LINGO2: variants seen among roughly 807,000 people sequenced by gnomAD.
LINGO2 encodes the protein leucine-rich repeat and immunoglobulin-like domain-containing nogo receptor-interacting protein 2.
In LINGO2, 14 loss-of-function variants were observed where a neutral mutation model predicts 30.6. That is an observed-to-expected ratio of 0.46 (90% CI 0.30 to 0.72). The LOEUF (loss-of-function observed/expected upper bound fraction) is 0.72. Ranked by LOEUF, LINGO2 falls within the 30% of genes least tolerant of loss-of-function variation. The probability of loss-of-function intolerance (pLI) is 0.07; values close to 1 mark genes in which losing one functional copy is unlikely to be tolerated. For synonymous variants in LINGO2, 317 were observed against 288.5 expected (o/e 1.10, Z -1.00); for missense variants, 729 against 751.7 (o/e 0.97, Z 0.35).
intron 5 of LINGO2, among the ~76,000 whole-genome samples, chr9:27,980,524 GT>G (rs1175140236): frequency 1.3e-5 from 2 of 151,910 alleles, no homozygotes; most frequent in Non-Finnish European, 2.9e-5. Flanking sequence ...TATCTTCAAT[GT>G]TTTGACCGCT....
the LINGO2 span, among the ~76,000 whole-genome samples, chr9:29,050,627 A>G: frequency 5.9e-5 from 9 of 152,296 alleles, no homozygotes; most frequent in Admixed American, 1.3e-4. Flanking sequence ...TGCACTTGAA[A>G]CATCATAAGG....
At chr9:29,032,409 T>C in the LINGO2 span, among the ~76,000 whole-genome samples, 1 of 152,168 alleles carries the variant, frequency 6.6e-6, no homozygotes, top group Admixed American at 6.5e-5. Context: ...TTTTTGGAAA[T>C]TCAGATAACT....
chr9:28,467,375 T>C (rs1342706173), intron 2 of LINGO2, among the ~76,000 whole-genome samples: 1 of 152,096 alleles, frequency 6.6e-6, no homozygotes, highest in Non-Finnish European at 1.5e-5. Flanking sequence ...AATCATATAC[T>C]AGAGTAGCAA....
chr9:29,157,758 T>C, the LINGO2 span, among the ~76,000 whole-genome samples: 1 of 152,146 alleles, frequency 6.6e-6, no homozygotes. Context: ...TATAATACAA[T>C]AATTCCCTCC....
intron 4 of LINGO2, among the ~76,000 whole-genome samples, chr9:28,220,975 T>C (rs1356577848): frequency 1.3e-5 from 2 of 152,284 alleles, no homozygotes; most frequent in East Asian, 1.9e-4. Context: ...ATGGTGACTA[T>C]AGTTAATGAC....
chr9:28,845,884 T>G, the LINGO2 span, among the ~76,000 whole-genome samples: 1 of 151,700 alleles, frequency 6.6e-6, no homozygotes, highest in African/African-American at 2.4e-5. Context: ...AGGATCTTAT[T>G]AAGTTCAGAG....
intron 4 of LINGO2, among the ~76,000 whole-genome samples, chr9:28,065,882 A>G (rs1825298242): frequency 1.3e-5 from 2 of 152,102 alleles, no homozygotes; most frequent in Admixed American, 6.6e-5. Flanking sequence ...AACCCCAGAA[A>G]TATTAAATTG....
At position 28,129,480 on chromosome 9, in the gene LINGO2, C is replaced by T. The variant is rs1317117814; in HGVS notation, c.-86-117075G>A. On this transcript the variant is annotated intron_variant, in intron 4 of 5. Coordinates refer to ENST00000379992, the Ensembl canonical transcript of LINGO2. This position sits in a 1 kb window ranked among gnomAD's most constrained non-coding sequence, Gnocchi z 4.0. ...TAACTCTTGGCCGGCCTGGATGTCT[C>T]ATCACAGAAACAGCCTATCCAGTCG... 6.6e-6 allele frequency among the ~76,000 whole-genome samples: 1 copy of T among 152,142 alleles called. No homozygotes were observed. The highest frequency in any genetic ancestry group is 1.9e-4 in the East Asian group (1 of 5,184).
chr9:29,039,313 G>GTA, the LINGO2 span, among the ~76,000 whole-genome samples: 1 of 152,086 alleles, frequency 6.6e-6, no homozygotes, highest in African/African-American at 2.4e-5. Flanking sequence ...TATAGTCTTT[G>GTA]TATATATGCA....
chr9:28,762,180 A>T, the LINGO2 span, among the ~76,000 whole-genome samples: 1 of 152,060 alleles, frequency 6.6e-6, no homozygotes, highest in South Asian at 2.1e-4. Context: ...AATATTTTAA[A>T]CATAGTTTTT....
chr9:28,475,587 A>G (rs1587723561), intron 2 of LINGO2, among the ~76,000 whole-genome samples: 2 of 152,328 alleles, frequency 1.3e-5, no homozygotes, highest in East Asian at 3.9e-4. Context: ...TAAGCTCTTT[A>G]TGCTAAGAAA....
chr9:27,995,543 G>T (rs766833295), intron 5 of LINGO2, among the ~76,000 whole-genome samples: 1 of 152,052 alleles, frequency 6.6e-6, no homozygotes, highest in African/African-American at 2.4e-5. Context: ...ATCATCAGGT[G>T]GGATTTATTC....
At chr9:29,013,847 T>C in the LINGO2 span, among the ~76,000 whole-genome samples, 2 of 152,158 alleles carry the variant, frequency 1.3e-5, no homozygotes, top group Non-Finnish European at 2.9e-5. Context: ...AACATTTTAT[T>C]TGTAGTGTGT....
the LINGO2 span, among the ~76,000 whole-genome samples, chr9:29,084,628 C>T: frequency 6.6e-6 from 1 of 151,902 alleles, no homozygotes; most frequent in African/African-American, 2.4e-5. Context: ...CCCTGATCTC[C>T]ACATAAACTC....
the LINGO2 span, among the ~76,000 whole-genome samples, chr9:28,779,878 A>G: frequency 2.0e-5 from 3 of 152,012 alleles, no homozygotes; most frequent in African/African-American, 4.8e-5. Context: ...TTTCACCTCT[A>G]TCTCTCTCCC....
chr9:28,939,784 A>G, the LINGO2 span, among the ~76,000 whole-genome samples: 1 of 152,236 alleles, frequency 6.6e-6, no homozygotes, highest in Non-Finnish European at 1.5e-5. Context: ...TGAGTGAATG[A>G]ATGACTGCAG....
In LINGO2 at chr9:28,644,802, T is replaced by G. The variant is rs151114948; in HGVS notation, c.-365+25398A>C. ...GTATCAAAACATCTCCTGCACTCCA[T>G]AAATATATATATCTACTATGTATCT... On this transcript the variant is annotated intron_variant, in intron 1 of 5. Coordinates refer to ENST00000379992, the Ensembl canonical transcript of LINGO2. Among the ~76,000 whole-genome samples the G allele has an allele frequency of 5.7e-3, 868 of 152,084 alleles. 12 individuals are homozygous for G. Among genetic ancestry groups the G allele is most frequent in the African/African-American group, 0.019 (776 of 41,520 alleles).
At chr9:28,485,518 GC>G (rs1027820719) in intron 1 of LINGO2, among the ~76,000 whole-genome samples, 19 of 152,204 alleles carry the variant, frequency 1.2e-4, no homozygotes, top group African/African-American at 4.3e-4. Flanking sequence ...GCTCATTATA[GC>G]CTGAAGAGAT....
chr9:28,581,823 T>C (rs1182716993), intron 1 of LINGO2, among the ~76,000 whole-genome samples: 2 of 151,994 alleles, frequency 1.3e-5, no homozygotes, highest in Non-Finnish European at 2.9e-5. Context: ...TGAAAATTAA[T>C]TTTCATAATT....
Sources: allele counts gnomAD v4.1 joint callset (sites outside exome capture counted in the v4.1 genomes callset), GRCh38; gene constraint gnomAD v4.1.1; non-coding constraint Gnocchi (gnomAD v3.1); transcripts MANE v1.5; gene names NCBI Gene and HGNC (gene_info 2026-07-23, HGNC 2026-07-21).